The following ICOS variants were observed in gnomAD, a reference collection of about 807,000 sequenced individuals.
ICOS encodes the protein inducible T-cell costimulator.
ICOS carries 15 observed loss-of-function variants against 24.6 expected under a neutral mutation model. That is an observed-to-expected ratio of 0.61 (90% confidence interval 0.41 to 0.94). ICOS has a LOEUF of 0.94. Ranked by LOEUF, ICOS falls within the 40% of genes least tolerant of loss-of-function variation. The pLI, the probability that ICOS is intolerant of heterozygous loss-of-function variation, is 0.00. For synonymous variants in ICOS, 89 were observed against 77.5 expected (o/e 1.15, Z -0.78); for missense variants, 200 against 233.0 (o/e 0.86, Z 0.92).
Position 203,956,759 on chromosome 2 carries a change from A to C in ICOS, c.495A>C (p.Thr165=), listed in dbSNP as rs565719501. ...GATGCATACTTATTTGTTGGCTTAC[A>C]AAAAAGGTAAGCGATTTCTATCTTT... ...ILGCILICWL[T]KKKYSSSVHD... is the part of the protein sequence containing the mutation. The change falls in exon 3 of 5, where the codon ACA becomes ACC. Residue 165 remains threonine, a synonymous_variant. Transcript: ENST00000316386. 30 of 1,600,528 alleles carry C rather than the reference A, an allele frequency of 1.9e-5. No homozygotes were observed. In the South Asian group the frequency reaches 3.0e-4, roughly 16 times the overall value.
intron 1 of ICOS, among the ~76,000 whole-genome samples, chr2:203,942,211 A>C (rs553550115): frequency 7.9e-5 from 12 of 152,354 alleles, no homozygotes; most frequent in African/African-American, 2.9e-4. Context: ...CTTTGCAACA[A>C]AGAATCTGTA....
rs951228303 is a variant in ICOS at position 203,959,809 on chromosome 2, C to T, written c.*210C>T. 3.2e-6 allele frequency: 2 copies of T among 628,048 alleles called. No individual in the cohort carries two copies. The highest frequency in any genetic ancestry group is 2.9e-6 in the Non-Finnish European group (1 of 347,270). 38.9% of individuals were successfully genotyped at this position (628,048 alleles called of 1,614,324 possible). A position where few individuals can be genotyped will look rare whatever the true frequency, so the allele number is the denominator to read the frequency against. The stretch of plus-strand genomic sequence containing the variant: ...TACTGCCGAGTCCTCTCAAAACAAA[C>T]ACCCTCTTGCAACCAGCTTTGGAGA... On this transcript the variant is annotated 3_prime_UTR_variant, in exon 5 of 5. Transcript: ENST00000316386.
intron 1 of ICOS, among the ~76,000 whole-genome samples, chr2:203,949,566 A>T (rs1455321087): frequency 6.6e-6 from 1 of 152,214 alleles, no homozygotes. Context: ...GATGCCTGAA[A>T]CATGAAGTGT....
intron 1 of ICOS, among the ~76,000 whole-genome samples, chr2:203,949,791 C>T (rs1689937257): frequency 6.6e-6 from 1 of 152,110 alleles, no homozygotes; most frequent in Non-Finnish European, 1.5e-5. Flanking sequence ...ACAGAATTGA[C>T]CAAATAGATT....
chr2:203,937,787 A>G (rs1689685201), intron 1 of ICOS, among the ~76,000 whole-genome samples: 1 of 152,204 alleles, frequency 6.6e-6, no homozygotes, highest in Admixed American at 6.5e-5. Context: ...TGAAAAAAAA[A>G]TGAAATCAAA....
chr2:203,959,854 T>G lies in ICOS; in HGVS notation c.*255T>G, dbSNP rs1029663917. On this transcript the variant is annotated 3_prime_UTR_variant, in exon 5 of 5. Transcript: ENST00000316386. The stretch of plus-strand genomic sequence containing the variant: ...TGGAGAAAGCCCAGCTCCTGTGTGC[T>G]CACTGGGAGTGGAATCCCTGTCTCC... The G allele has an allele frequency of 1.2e-5, 7 of 572,014 alleles. No individual in the cohort carries two copies. Among genetic ancestry groups the G allele is most frequent in the South Asian group, 9.8e-5 (5 of 51,034 alleles). The allele number at this position is 572,014 out of a possible 1,614,324, so 35.4% of individuals were successfully genotyped here. A position where few individuals can be genotyped will look rare whatever the true frequency, so the allele number is the denominator to read the frequency against.
intron 1 of ICOS, among the ~76,000 whole-genome samples, chr2:203,950,219 G>A (rs538709536): frequency 6.6e-5 from 10 of 152,344 alleles, no homozygotes; most frequent in Non-Finnish European, 1.2e-4. Context: ...TCTAGGCTGA[G>A]GCCTAGGGGC....
chr2:203,946,486 C>T (rs1195069082), intron 1 of ICOS, among the ~76,000 whole-genome samples: 11 of 150,852 alleles, frequency 7.3e-5, no homozygotes, highest in Non-Finnish European at 4.4e-5. Context: ...CTTGTCTATC[C>T]TCCCTCCCTT....
intron 1 of ICOS, among the ~76,000 whole-genome samples, chr2:203,940,417 G>A (rs1689744876): frequency 1.3e-5 from 2 of 152,122 alleles, no homozygotes. Context: ...CCTGTCTTGT[G>A]ATCTCTGTTC....
In ICOS at chr2:203,944,242, G is replaced by A. The variant is rs112652893; in HGVS notation, c.58+7370G>A. On this transcript the variant is annotated intron_variant, in intron 1 of 4. Coordinates refer to ENST00000316386, the MANE Select transcript of ICOS (RefSeq NM_012092.4). ...TGGAGTTTTATACCCTGCTCCTCTGGCCACCCTCCAGATGGATCCCTGTGG... is the reference window on the plus strand; with the variant it reads ...TGGAGTTTTATACCCTGCTCCTCTGACCACCCTCCAGATGGATCCCTGTGG... Among the ~76,000 whole-genome samples, 173 of 152,214 alleles carry A rather than the reference G, an allele frequency of 1.1e-3. 2 individuals are homozygous for A. Among genetic ancestry groups the A allele is most frequent in the African/African-American group, 3.9e-3 (163 of 41,528 alleles).
Position 203,955,944 on chromosome 2 carries a change from C to G in ICOS, c.367C>G (p.Leu123Val), listed in dbSNP as rs1690070716. The G allele has an allele frequency of 2.5e-6, 4 of 1,609,920 alleles. No individual in the cohort carries two copies. The Admixed American group carries it at 6.7e-5, about 27-fold the overall frequency. ...TGATCCTCCTCCTTTTAAAGTAACT[C>G]TTACAGGAGGATATTTGCATATTTA... ...IFDPPPFKVT[L>V]TGGYLHIYES... The change falls in exon 2 of 5, where the codon CTT becomes GTT. Residue 123 changes from leucine to valine, a missense_variant. Coordinates refer to ENST00000316386, the MANE Select transcript of ICOS (RefSeq NM_012092.4).
At chr2:203,939,678 G>A (rs967169234) in intron 1 of ICOS, among the ~76,000 whole-genome samples, 1 of 152,148 alleles carries the variant, frequency 6.6e-6, no homozygotes, top group African/African-American at 2.4e-5. Context: ...CTTTGTCACT[G>A]AGGCATTCCA....
At position 203,959,927 on chromosome 2, in the gene ICOS, A is replaced by G; in HGVS notation, c.*328A>G. On this transcript the variant is annotated 3_prime_UTR_variant, in exon 5 of 5. Coordinates refer to ENST00000316386, the MANE Select transcript of ICOS (RefSeq NM_012092.4). ...CAGCCAGTAAAACAAACACATTTAC[A>G]AGAAAAATGTTTTAAAGATGCCAGG... is the stretch of plus-strand genomic sequence containing the variant. The G allele has an allele frequency of 2.3e-6, 1 of 441,356 alleles. No individual in the cohort carries two copies. Among genetic ancestry groups the G allele is most frequent in the Non-Finnish European group, 4.2e-6 (1 of 237,752 alleles). The allele number at this position is 441,356 out of a possible 1,614,324, so 27.3% of individuals were successfully genotyped here. A position where few individuals can be genotyped will look rare whatever the true frequency, so the allele number is the denominator to read the frequency against.
chr2:203,955,537 A>C, intron 1 of ICOS, 99 bp from the exon 2 acceptor site: 1 of 909,512 alleles, frequency 1.1e-6, no homozygotes, highest in Non-Finnish European at 1.8e-6. Flanking sequence ...AACAGAGATG[A>C]CTTTATGCAT....
At chr2:203,943,898 T>C (rs1689825020) in intron 1 of ICOS, among the ~76,000 whole-genome samples, 1 of 151,956 alleles carries the variant, frequency 6.6e-6, no homozygotes, top group Non-Finnish European at 1.5e-5. Context: ...CTCTGCTGAG[T>C]CATGCAGGTT....
intron 1 of ICOS, among the ~76,000 whole-genome samples, chr2:203,953,305 C>T (rs1372717730): frequency 6.6e-6 from 1 of 152,126 alleles, no homozygotes; most frequent in African/African-American, 2.4e-5. Flanking sequence ...GCCTGTCTCT[C>T]GGGGTTCTGG....
chr2:203,945,537 A>T (rs1325366017), intron 1 of ICOS, among the ~76,000 whole-genome samples: 1 of 152,132 alleles, frequency 6.6e-6, no homozygotes, highest in African/African-American at 2.4e-5. Flanking sequence ...TGACGCAATG[A>T]TGTCTACTAG....
chr2:203,950,563 T>G (rs1370310401), intron 1 of ICOS, among the ~76,000 whole-genome samples: 1 of 152,194 alleles, frequency 6.6e-6, no homozygotes, highest in African/African-American at 2.4e-5. Context: ...CTGTTCTATA[T>G]CTGCCAAAAT....
At chr2:203,938,970 T>A (rs556671071) in intron 1 of ICOS, among the ~76,000 whole-genome samples, 1 of 152,210 alleles carries the variant, frequency 6.6e-6, no homozygotes, top group Non-Finnish European at 1.5e-5. Flanking sequence ...GAAACTGCCA[T>A]GTAAAAGCTC....
Sources: allele counts gnomAD v4.1 joint callset (sites outside exome capture counted in the v4.1 genomes callset), GRCh38; gene constraint gnomAD v4.1.1; transcripts MANE v1.5; gene names NCBI Gene and HGNC (gene_info 2026-07-23, HGNC 2026-07-21).